DNAH14: variants seen among roughly 807,000 people sequenced by gnomAD.
DNAH14 encodes dynein axonemal heavy chain 14.
Under a neutral mutation model 520.9 loss-of-function variants are expected in DNAH14, and 478 were observed. That is an observed-to-expected ratio of 0.92 (90% CI 0.85 to 0.99). The LOEUF (loss-of-function observed/expected upper bound fraction) is 0.99. Ranked by LOEUF, DNAH14 falls within the 50% of genes least tolerant of loss-of-function variation. The pLI is 0.00. For synonymous variants in DNAH14, 1,581 were observed against 1,757.2 expected, an observed-to-expected ratio of 0.90 and a Z score of 2.51; for missense variants, 4,831 against 5,234.5, an observed-to-expected ratio of 0.92 and a Z score of 2.38.
At chr1:225,256,861 T>G (rs1349983920) in intron 44 of DNAH14, among the ~76,000 whole-genome samples, 1 of 151,982 alleles carries the variant, frequency 6.6e-6, no homozygotes, top group Non-Finnish European at 1.5e-5. Flanking sequence ...ATAAAGGGAC[T>G]TTACAAATCA....
At chr1:225,258,707 T>C (rs1175964089) in intron 45 of DNAH14, among the ~76,000 whole-genome samples, 2 of 152,168 alleles carry the variant, frequency 1.3e-5, no homozygotes, top group African/African-American at 4.8e-5. Flanking sequence ...AAAATACTTA[T>C]CTTTACTTTA....
Position 225,346,035 on chromosome 1 carries a change from G to A in DNAH14, c.10752G>A (p.Lys3584=). The change falls in exon 70 of 86, where the codon AAG becomes AAA. Residue 3584 remains lysine (K), a synonymous_variant. Coordinates refer to ENST00000682510, the MANE Select transcript of DNAH14 (RefSeq NM_001367479.1). ...AAATGACATCAAACGAAATTTCAAAGCGCATCGAAGCAACAAAAAAAGCTG... is the reference window on the plus strand; with the variant it reads ...AAATGACATCAAACGAAATTTCAAAACGCATCGAAGCAACAAAAAAAGCTG... ...KSKMTSNEIS[K]RIEATKKAES... 2.6e-6 allele frequency: 4 copies of A among 1,551,610 alleles called. No homozygotes were observed. The highest frequency in any genetic ancestry group is 3.5e-6 in the Non-Finnish European group (4 of 1,146,978).
chr1:225,160,967 CT>C (rs1259359074), intron 35 of DNAH14, among the ~76,000 whole-genome samples: 2 of 151,820 alleles, frequency 1.3e-5, no homozygotes, highest in African/African-American at 2.4e-5. Context: ...TTGTTTTCTT[CT>C]TCCTTTTACT....
At chr1:225,101,800 G>A (rs1573078248) in intron 23 of DNAH14, among the ~76,000 whole-genome samples, 1 of 151,926 alleles carries the variant, frequency 6.6e-6, no homozygotes, top group Non-Finnish European at 1.5e-5. Flanking sequence ...TGGTTATTGT[G>A]AATAGTGCTT....
chr1:225,395,445 A>G (rs2095994377), intron 84 of DNAH14, among the ~76,000 whole-genome samples: 1 of 152,162 alleles, frequency 6.6e-6, no homozygotes, highest in South Asian at 2.1e-4. Flanking sequence ...TACAAAAATT[A>G]GCCGGGCGTA....
intron 74 of DNAH14, among the ~76,000 whole-genome samples, chr1:225,360,043 G>A (rs910416582): frequency 5.3e-5 from 8 of 152,044 alleles, no homozygotes; most frequent in African/African-American, 1.2e-4. Flanking sequence ...TTCCCCCCAC[G>A]TTTGTCCATG....
chr1:224,977,679 A>T (rs1558577182), intron 8 of DNAH14, among the ~76,000 whole-genome samples: 1 of 152,134 alleles, frequency 6.6e-6, no homozygotes, highest in Non-Finnish European at 1.5e-5. Flanking sequence ...AATGGTTTTC[A>T]AAAAAAGAAT....
At chr1:225,085,468 A>G in intron 20 of DNAH14, 76 bp from the exon 21 acceptor site, 9 of 1,319,914 alleles carry the variant, frequency 6.8e-6, no homozygotes, top group Non-Finnish European at 9.2e-6. Flanking sequence ...CAAAACTTGC[A>G]TTTAAAATTT....
intron 74 of DNAH14, among the ~76,000 whole-genome samples, chr1:225,358,986 G>A (rs1250065788): frequency 6.6e-6 from 1 of 152,166 alleles, no homozygotes; most frequent in Non-Finnish European, 1.5e-5. Context: ...AACTGCGAGC[G>A]AATTAAACCT....
At chr1:225,167,344 A>G (rs1312432397) in intron 35 of DNAH14, among the ~76,000 whole-genome samples, 1 of 152,256 alleles carries the variant, frequency 6.6e-6, no homozygotes, top group East Asian at 1.9e-4. Context: ...AATTCTATCT[A>G]CAGTGAAATA....
intron 60 of DNAH14, among the ~76,000 whole-genome samples, chr1:225,309,367 GA>G (rs71581103): frequency 0.18 from 28,140 of 152,200 alleles, 2,995 homozygotes; most frequent in East Asian, 0.35. Flanking sequence ...CATGTTTTAG[GA>G]GCTGACATTT....
intron 37 of DNAH14, among the ~76,000 whole-genome samples, chr1:225,189,905 A>G (rs996691512): frequency 6.6e-6 from 1 of 151,634 alleles, no homozygotes; most frequent in Non-Finnish European, 1.5e-5. Flanking sequence ...CTAGTGTAAC[A>G]TTTGGATTCC....
intron 8 of DNAH14, among the ~76,000 whole-genome samples, chr1:224,985,241 G>C (rs546070061): frequency 6.6e-6 from 1 of 152,200 alleles, no homozygotes; most frequent in East Asian, 1.9e-4. Flanking sequence ...CAATAGGCAT[G>C]TAAAGAAACC....
chr1:225,292,017 A>G (rs1278236993), intron 55 of DNAH14, among the ~76,000 whole-genome samples: 1 of 151,980 alleles, frequency 6.6e-6, no homozygotes, highest in East Asian at 1.9e-4. Context: ...ATCATTTGCA[A>G]ATATTTTCTC....
intron 36 of DNAH14, among the ~76,000 whole-genome samples, chr1:225,170,973 A>C (rs949016604): frequency 7.9e-5 from 12 of 152,316 alleles, no homozygotes; most frequent in Middle Eastern, 3.4e-3. Context: ...ACTCACTCAA[A>C]ACTGCTCAAC....
intron 69 of DNAH14, among the ~76,000 whole-genome samples, chr1:225,342,205 A>G (rs1169202007): frequency 6.6e-6 from 1 of 152,222 alleles, no homozygotes; most frequent in Non-Finnish European, 1.5e-5. Context: ...AATTTTACCA[A>G]TAGTAATAAT....
At chr1:225,342,483 G>A (rs2095207942) in intron 69 of DNAH14, among the ~76,000 whole-genome samples, 1 of 151,998 alleles carries the variant, frequency 6.6e-6, no homozygotes, top group South Asian at 2.1e-4. Flanking sequence ...ATTTTTTAAA[G>A]TAAAGGTTGA....
At chr1:224,947,008 C>T (rs1449067173) in intron 1 of DNAH14, among the ~76,000 whole-genome samples, 3 of 150,926 alleles carry the variant, frequency 2.0e-5, no homozygotes, top group Non-Finnish European at 4.4e-5. Flanking sequence ...AACTCTGCCT[C>T]CCAGGTTCCA....
intron 41 of DNAH14, among the ~76,000 whole-genome samples, chr1:225,210,367 C>T (rs1193217917): frequency 6.6e-6 from 1 of 152,126 alleles, no homozygotes; most frequent in African/African-American, 2.4e-5. Context: ...AGGCAGTTTT[C>T]CCCTCACTGT....
Sources: gnomAD v4.1 joint callset for allele counts (sites outside exome capture counted in the v4.1 genomes callset) on GRCh38, gnomAD v4.1.1 for gene constraint, MANE v1.5 for transcripts, NCBI Gene and HGNC (gene_info 2026-07-23, HGNC 2026-07-21) for gene names.